Variants in PCDHGA6 observed in about 807,000 individuals in gnomAD.
PCDHGA6 encodes protocadherin gamma subfamily A, 6.
In PCDHGA6, 41 loss-of-function variants were observed where a neutral mutation model predicts 60.6. That is an observed-to-expected ratio of 0.68 (90% CI 0.53 to 0.88). PCDHGA6 has a LOEUF of 0.88. PCDHGA6 is among the 40% of genes least tolerant of loss of function. PCDHGA6 has a pLI of 0.00. For synonymous variants in PCDHGA6, 594 were observed against 524.4 expected, an observed-to-expected ratio of 1.13 and a Z score of -1.81; for missense variants, 1,312 against 1,203.0, an observed-to-expected ratio of 1.09 and a Z score of -1.34.
chr5:141,490,488 C>A lies in PCDHGA6; in HGVS notation c.2425-4319C>A, dbSNP rs142637733. 6.2e-7 allele frequency: 1 copy of A among 1,614,018 alleles called. No homozygotes were observed. Among genetic ancestry groups the A allele is most frequent in the African/African-American group, 1.3e-5 (1 of 74,904 alleles). ...CCAGCCAGCCTTTGGACCGGGAGGC[C>A]ACATCCCACTATATCATCGAGCTGC... On this transcript the variant is annotated intron_variant, in intron 1 of 3. Coordinates refer to ENST00000517434, the MANE Select transcript of PCDHGA6 (RefSeq NM_018919.3). The surrounding 1 kb of genome is among the most constrained non-coding windows in gnomAD (Gnocchi z 5.4).
rs1588751016 is a variant in PCDHGA6, at chr5:141,374,792, G to A, written c.709G>A (p.Asp237Asn). Residue 237 changes from aspartate to asparagine, a missense_variant, in exon 1 of 4, where the codon GAC becomes AAC. Coordinates refer to ENST00000517434, the MANE Select transcript of PCDHGA6 (RefSeq NM_018919.3). ...QILVTVLDVNDNTPMFTQPVY... is the reference protein window; with the variant it reads ...QILVTVLDVNNNTPMFTQPVY... ...TCTGGTAACAGTTCTAGATGTGAAT[G>A]ACAACACTCCAATGTTTACTCAGCC... is the stretch of plus-strand genomic sequence containing the variant. 6.2e-7 allele frequency: 1 copy of A among 1,613,898 alleles called. No homozygotes were observed. Among genetic ancestry groups the A allele is most frequent in the Non-Finnish European group, 8.5e-7 (1 of 1,179,862 alleles).
rs2099749632 is a variant in PCDHGA6, at chr5:141,493,698, C to T, written c.2425-1109C>T. The stretch of plus-strand genomic sequence containing the variant: ...AGAATGGTGCTGGTGACTCCCGATA[C>T]ACCTGGAATGCTAGGTTTCTGGGTT... On this transcript the variant is annotated intron_variant, in intron 1 of 3. Transcript: ENST00000517434. This position sits in a 1 kb window ranked among gnomAD's most constrained non-coding sequence, Gnocchi z 4.3. Among the ~76,000 whole-genome samples the T allele has an allele frequency of 6.6e-6, 1 of 152,208 alleles. No individual in the cohort carries two copies. Among genetic ancestry groups the T allele is most frequent in the Non-Finnish European group, 1.5e-5 (1 of 68,034 alleles).
intron 1 of PCDHGA6, among the ~76,000 whole-genome samples, chr5:141,473,107 C>A (rs2099314182): frequency 6.6e-6 from 1 of 152,134 alleles, no homozygotes; most frequent in Admixed American, 6.5e-5. Flanking sequence ...TATTACCACA[C>A]TTTACTTGGC....
At position 141,477,965 on chromosome 5, in the gene PCDHGA6, A is replaced by G. The variant is rs1415974296; in HGVS notation, c.2425-16842A>G. On this transcript the variant is annotated intron_variant, in intron 1 of 3. Coordinates refer to ENST00000517434, the MANE Select transcript of PCDHGA6 (RefSeq NM_018919.3). This position sits in a 1 kb window ranked among gnomAD's most constrained non-coding sequence, Gnocchi z 4.9. ...CAGTCTCTTGGGATCCCCTAACCAGAGCCTTTTTGCCATAGGGCTGCACAC... is the reference window on the plus strand; with the variant it reads ...CAGTCTCTTGGGATCCCCTAACCAGGGCCTTTTTGCCATAGGGCTGCACAC... 4 of 1,614,030 alleles carry G rather than the reference A, an allele frequency of 2.5e-6. No individual in the cohort carries two copies. In the Middle Eastern group the frequency reaches 4.9e-4, roughly 200 times the overall value.
intron 1 of PCDHGA6, chr5:141,408,445 C>T (rs759314379): frequency 2.5e-6 from 4 of 1,613,846 alleles, no homozygotes; most frequent in Admixed American, 1.7e-5. Flanking sequence ...ACGCGGAGAG[C>T]GGGGACTTAC....
In PCDHGA6 at chr5:141,471,046, CTTT is replaced by C. The variant is rs1170588345; in HGVS notation, c.2425-23743_2425-23741del. ...ATTTTTATTAACAAGCCCAAGCCCT[CTTT>C]TTTTTTTTTTTTTTTTTGAGACAGG... On this transcript the variant is annotated intron_variant, in intron 1 of 3. Coordinates refer to ENST00000517434, the MANE Select transcript of PCDHGA6 (RefSeq NM_018919.3). 4.8e-4 allele frequency among the ~76,000 whole-genome samples: 54 copies of C among 113,240 alleles called. 1 individual carries two copies. Among genetic ancestry groups the C allele is most frequent in the Middle Eastern group, 5.2e-3 (1 of 192 alleles). 74.3% of individuals were successfully genotyped at this position (113,240 alleles called of 152,430 possible).
Position 141,431,709 on chromosome 5 carries a change from T to G in PCDHGA6, c.2424+55202T>G, listed in dbSNP as rs1561854893. ...CACGAGGAGTCAGGATTCTACCAGA[T>G]GGAAGTGCAAGCAATGGATAATGCA... On this transcript the variant is annotated intron_variant, in intron 1 of 3. Coordinates refer to ENST00000517434, the MANE Select transcript of PCDHGA6 (RefSeq NM_018919.3). The surrounding 1 kb of genome is among the most constrained non-coding windows in gnomAD (Gnocchi z 4.8). The G allele has an allele frequency of 6.2e-7, 1 of 1,614,168 alleles. No individual in the cohort carries two copies. Among genetic ancestry groups the G allele is most frequent in the Middle Eastern group, 1.6e-4 (1 of 6,062 alleles).
At position 141,476,290 on chromosome 5, in the gene PCDHGA6, C is replaced by T. The variant is rs768208156; in HGVS notation, c.2425-18517C>T. ...TGGTCGCGAACCTTGGTTTGGATCT[C>T]GGTAGCCTCTCAGCCCGCAGGTTCC... On this transcript the variant is annotated intron_variant, in intron 1 of 3. Coordinates refer to ENST00000517434, the MANE Select transcript of PCDHGA6 (RefSeq NM_018919.3). The surrounding 1 kb of genome is among the most constrained non-coding windows in gnomAD (Gnocchi z 7.6). 1.7e-5 allele frequency: 27 copies of T among 1,613,932 alleles called. No individual in the cohort carries two copies. Among genetic ancestry groups the T allele is most frequent in the Non-Finnish European group, 2.3e-5 (27 of 1,180,018 alleles).
chr5:141,505,779 T>G (rs1420143439), intron 3 of PCDHGA6, among the ~76,000 whole-genome samples: 1 of 139,496 alleles, frequency 7.2e-6, no homozygotes, highest in Non-Finnish European at 1.6e-5. Flanking sequence ...GTCCTAGCTC[T>G]GCTACTATCC....
At chr5:141,398,014 C>G in intron 1 of PCDHGA6, 1 of 1,420,276 alleles carries the variant, frequency 7.0e-7, no homozygotes, top group Non-Finnish European at 9.4e-7. Flanking sequence ...AGAATCGTTT[C>G]CTAAACTGGA....
chr5:141,415,435 C>G, intron 1 of PCDHGA6: 1 of 1,614,202 alleles, frequency 6.2e-7, no homozygotes. Flanking sequence ...TCGGGCTTTC[C>G]TGCAGACCTA....
In PCDHGA6 at chr5:141,395,547, TGTGTGTGTGTGTGTG is replaced by T. The variant is rs2093269943; in HGVS notation, c.2424+19041_2424+19055del. On this transcript the variant is annotated intron_variant, in intron 1 of 3. Coordinates refer to ENST00000517434, the MANE Select transcript of PCDHGA6 (RefSeq NM_018919.3). ...ACTGGTAATTTTGCTATTGTTTGTG[TGTGTGTGTGTGTGTG>T]TGTGTGTGTGTGTGTGTGTGTGTGT... 2.2e-3 allele frequency: 375 copies of T among 174,268 alleles called. 18 individuals carry two copies. The highest frequency in any genetic ancestry group is 5.2e-3 in the East Asian group (33 of 6,366). 10.8% of individuals were successfully genotyped at this position (174,268 alleles called of 1,614,324 possible). A position where few individuals can be genotyped will look rare whatever the true frequency, so the allele number is the denominator to read the frequency against.
rs1385557537 is a variant in PCDHGA6 at position 141,415,739 on chromosome 5, GGTT to G, written c.2424+39233_2424+39235del. 2.0e-4 allele frequency: 88 copies of G among 435,112 alleles called. 2 individuals are homozygous for G. In the African/African-American group the frequency reaches 2.4e-3, roughly 12 times the overall value. 27.0% of individuals were successfully genotyped at this position (435,112 alleles called of 1,614,324 possible). A position where few individuals can be genotyped will look rare whatever the true frequency, so the allele number is the denominator to read the frequency against. On this transcript the variant is annotated intron_variant, in intron 1 of 3. Coordinates refer to ENST00000517434, the MANE Select transcript of PCDHGA6 (RefSeq NM_018919.3). ...ATGAGTAGAATTTGATGTTTATTAA[GGTT>G]TTTTTTTTTTTTTTTTTTTTTTTTT...
chr5:141,403,343 C>T (rs774711306), intron 1 of PCDHGA6: 10 of 1,614,000 alleles, frequency 6.2e-6, no homozygotes, highest in Admixed American at 1.7e-5. Context: ...CGACAGCGCC[C>T]CAAAGTTCCA....
rs200072718 is a variant in PCDHGA6 at position 141,389,516 on chromosome 5, G to C, written c.2424+13009G>C. 4,499 of 1,613,168 alleles carry C rather than the reference G, an allele frequency of 2.8e-3. 16 individuals are homozygous for C. Among genetic ancestry groups the C allele is most frequent in the Non-Finnish European group, 3.4e-3 (4,037 of 1,179,766 alleles). The stretch of plus-strand genomic sequence containing the variant: ...GCTCGCCAGCGCTCAGCGCGAACGT[G>C]AGCCTGCGCGTGTTAGTGGACGACC... On this transcript the variant is annotated intron_variant, in intron 1 of 3. Coordinates refer to ENST00000517434, the MANE Select transcript of PCDHGA6 (RefSeq NM_018919.3).
chr5:141,472,750 C>T (rs967243815), intron 1 of PCDHGA6, among the ~76,000 whole-genome samples: 3 of 151,882 alleles, frequency 2.0e-5, no homozygotes, highest in Non-Finnish European at 2.9e-5. Context: ...CTTTGGGAGG[C>T]GGAGGCTGGC....
At chr5:141,504,709 C>G (rs11743102) in intron 2 of PCDHGA6, among the ~76,000 whole-genome samples, 29,287 of 151,306 alleles carry the variant, frequency 0.19, 2,876 homozygotes, top group Middle Eastern at 0.24. Context: ...CTTCTATGGC[C>G]GTGGATTTTA....
intron 1 of PCDHGA6, chr5:141,383,184 C>A: frequency 6.2e-7 from 1 of 1,614,082 alleles, no homozygotes; most frequent in East Asian, 2.2e-5. Context: ...GGGAAGAGAT[C>A]TGCGCTCAGA....
chr5:141,426,958 C>A (rs1176636556), intron 1 of PCDHGA6: 1 of 456,728 alleles, frequency 2.2e-6, no homozygotes, highest in South Asian at 1.5e-5. Context: ...GGCACTGCTG[C>A]AATTCAAATT....
Sources: allele counts gnomAD v4.1 joint callset (sites outside exome capture counted in the v4.1 genomes callset), GRCh38; gene constraint gnomAD v4.1.1; non-coding constraint Gnocchi (gnomAD v3.1); transcripts MANE v1.5; gene names NCBI Gene and HGNC (gene_info 2026-07-23, HGNC 2026-07-21).